Variants in SPTA1 observed in about 807,000 individuals in gnomAD.
SPTA1 encodes the protein spectrin alpha chain, erythrocytic 1.
SPTA1 carries 177 observed loss-of-function variants against 324.7 expected under a neutral mutation model. The observed-to-expected ratio is 0.55, with a 90% CI of 0.48 to 0.62. SPTA1 has a LOEUF of 0.62. Ranked by LOEUF, SPTA1 falls within the 20% of genes least tolerant of loss-of-function variation. The probability of loss-of-function intolerance (pLI) is 0.00; values close to 1 mark genes in which losing one functional copy is unlikely to be tolerated. For missense variants in SPTA1, 3,162 were observed against 2,883.6 expected (o/e 1.10, Z -2.21); for synonymous variants, 1,195 against 1,041.3 (o/e 1.15, Z -2.84).
intron 16 of SPTA1, 54 bp downstream of exon 16, chr1:158,666,262 G>T: frequency 1.9e-6 from 3 of 1,585,444 alleles, no homozygotes; most frequent in Non-Finnish European, 2.6e-6. Flanking sequence ...TAACGAGTGT[G>T]CTCAGAGCAT....
At position 158,680,432 on chromosome 1, in the gene SPTA1, G is replaced by A. The variant is rs982656492; in HGVS notation, c.678+151C>T. 4 of 1,079,276 alleles carry A rather than the reference G, an allele frequency of 3.7e-6. No homozygotes were observed. The African/African-American group carries it at 6.2e-5, about 17-fold the overall frequency. The allele number at this position is 1,079,276 out of a possible 1,614,324, so 66.9% of individuals were successfully genotyped here. A position where few individuals can be genotyped will look rare whatever the true frequency, so the allele number is the denominator to read the frequency against. ...TAAGGGGTGGGTCCAGAGGGGAGAG[G>A]AAACTGTTCAGAATATGTTACTCCA... On this transcript the variant is annotated intron_variant, in intron 5 of 51. Transcript: ENST00000643759.
Position 158,611,120 on chromosome 1 carries a change from C to A in SPTA1, c.*144G>T. 9.4e-7 allele frequency: 1 copy of A among 1,059,792 alleles called. No homozygotes were observed. Among genetic ancestry groups the A allele is most frequent in the Non-Finnish European group, 1.4e-6 (1 of 730,652 alleles). The allele number at this position is 1,059,792 out of a possible 1,614,324, so 65.6% of individuals were successfully genotyped here. A position where few individuals can be genotyped will look rare whatever the true frequency, so the allele number is the denominator to read the frequency against. ...GATCCTACAATAAATGTAATATGCA[C>A]ACAAACACAAGCACACACACACACA... On this transcript the variant is annotated 3_prime_UTR_variant, in exon 52 of 52. Transcript: ENST00000643759.
rs111674514 is a variant in SPTA1, at chr1:158,686,557, C to CAGAGAGAGAG, written c.-50_-41dup. 1.4e-4 allele frequency: 140 copies of CAGAGAGAGAG among 1,024,166 alleles called. No homozygotes were observed. The highest frequency in any genetic ancestry group is 1.7e-4 in the Non-Finnish European group (112 of 667,128). 63.4% of individuals were successfully genotyped at this position (1,024,166 alleles called of 1,614,324 possible). A position where few individuals can be genotyped will look rare whatever the true frequency, so the allele number is the denominator to read the frequency against. ...TAGAACCTGGCAAGATAAAATGTGT[C>CAGAGAGAGAG]AGAGAGAGAGAGAGAGAGAAATAAT... On this transcript the variant is annotated 5_prime_UTR_variant, in exon 1 of 52. The change creates a premature stop within an existing upstream ORF in the 5' untranslated region. Coordinates refer to ENST00000643759, the MANE Select transcript of SPTA1 (RefSeq NM_003126.4).
intron 18 of SPTA1, among the ~76,000 whole-genome samples, chr1:158,658,162 T>C (rs1029084): frequency 0.012 from 1,858 of 152,206 alleles, 34 homozygotes; most frequent in African/African-American, 0.042. Context: ...GGGAAATAAA[T>C]GAGATATATT....
intron 49 of SPTA1, among the ~76,000 whole-genome samples, 171 bp downstream of exon 49, chr1:158,614,081 AT>A (rs1001250517): frequency 3.9e-5 from 6 of 152,176 alleles, no homozygotes; most frequent in Non-Finnish European, 8.8e-5. Flanking sequence ...GAAGAAATGT[AT>A]TTTTTGAAGT....
chr1:158,682,073 T>C lies in SPTA1; in HGVS notation c.391-406A>G, dbSNP rs1654856224. Among the ~76,000 whole-genome samples, 7 of 152,286 alleles carry C rather than the reference T, an allele frequency of 4.6e-5. No individual in the cohort carries two copies. The South Asian group carries it at 1.5e-3, about 32-fold the overall frequency. Reference sequence around the variant, plus strand: ...GCAAAGGCATAGGAGAAACTTAGCATGAATTGTCTGCCAGAAAGTGTGAGA... The same window carrying C: ...GCAAAGGCATAGGAGAAACTTAGCACGAATTGTCTGCCAGAAAGTGTGAGA... On this transcript the variant is annotated intron_variant, in intron 3 of 51. Transcript: ENST00000643759.
chr1:158,686,341 G>T (rs1655172586), intron 1 of SPTA1, among the ~76,000 whole-genome samples, 153 bp downstream of exon 1: 1 of 145,278 alleles, frequency 6.9e-6, no homozygotes, highest in Admixed American at 7.1e-5. Context: ...CAAGGTTATT[G>T]TTCACAAAAA....
intron 44 of SPTA1, among the ~76,000 whole-genome samples, chr1:158,619,921 G>A (rs1036728563): frequency 6.6e-6 from 1 of 151,982 alleles, no homozygotes; most frequent in East Asian, 1.9e-4. Flanking sequence ...ACCATGTCTT[G>A]GGGCTTCTGT....
chr1:158,649,810 G>T, intron 25 of SPTA1, 46 bp downstream of exon 25: 2 of 1,449,526 alleles, frequency 1.4e-6, no homozygotes, highest in Non-Finnish European at 1.9e-6. Flanking sequence ...GAAGTTTAGT[G>T]AGTGGGTTTT....
At chr1:158,675,995 G>T in intron 8 of SPTA1, 146 bp downstream of exon 8, 1 of 1,040,854 alleles carries the variant, frequency 9.6e-7, no homozygotes, top group Non-Finnish European at 1.4e-6. Context: ...GACTTCCTTT[G>T]GCAACTTAAA....
At position 158,674,684 on chromosome 1, in the gene SPTA1, A is replaced by G. The variant is rs1654282486; in HGVS notation, c.1113-9T>C. 8.1e-6 allele frequency: 13 copies of G among 1,613,440 alleles called. No homozygotes were observed. Among genetic ancestry groups the G allele is most frequent in the Non-Finnish European group, 1.0e-5 (12 of 1,179,942 alleles). On this transcript the variant is annotated splice_polypyrimidine_tract_variant and intron_variant, in intron 8 of 51. Transcript: ENST00000643759. ...ATGAAAATCGATGGTACCTGTGGGA[A>G]AAGTGAGGTAAAAGACAGGAAGGAG...
In SPTA1 at chr1:158,686,218, A is replaced by C. The variant is rs368029; in HGVS notation, c.24+276T>G. On this transcript the variant is annotated intron_variant, in intron 1 of 51. Coordinates refer to ENST00000643759, the MANE Select transcript of SPTA1 (RefSeq NM_003126.4). ...GGCATGGCTATAGAATTAGATCATT[A>C]CATGGAGACTCACGTTGTTACTAGG... Among the ~76,000 whole-genome samples the C allele has an allele frequency of 0.97, 148,331 of 152,316 alleles. 72,332 individuals carry two copies. Among genetic ancestry groups the C allele is most frequent in the East Asian group, 1 (5,190 of 5,190 alleles).
At chr1:158,686,166 A>G (rs142022878) in intron 1 of SPTA1, among the ~76,000 whole-genome samples, 2 of 152,178 alleles carry the variant, frequency 1.3e-5, no homozygotes, top group Non-Finnish European at 2.9e-5. Context: ...CCTAAGTATA[A>G]TTGCTACTCT....
Position 158,642,443 on chromosome 1 carries a change from T to C in SPTA1, c.4705A>G (p.Ser1569Gly), listed in dbSNP as rs1651672028. Residue 1569 changes from serine to glycine, a missense_variant, in exon 33 of 52, where the codon AGC becomes GGC. Transcript: ENST00000643759. Reference sequence around the variant, plus strand: ...GCCTCTTCATTGCCATCACAAGCGCTACACTCAATCAGGGAGTTCCCCAGG... The same window carrying C: ...GCCTCTTCATTGCCATCACAAGCGCCACACTCAATCAGGGAGTTCCCCAGG... ...INLGNSLIEC[S>G]ACDGNEEAMK... is the part of the protein sequence containing the mutation. 3.1e-6 allele frequency: 5 copies of C among 1,613,640 alleles called. No homozygotes were observed. Among genetic ancestry groups the C allele is most frequent in the Non-Finnish European group, 4.2e-6 (5 of 1,179,686 alleles).
intron 26 of SPTA1, 26 bp from the exon 27 acceptor site, chr1:158,647,746 A>G (rs1363424785): frequency 1.9e-6 from 3 of 1,613,392 alleles, no homozygotes; most frequent in East Asian, 4.5e-5. Context: ...AGCTCTGATA[A>G]TCAGCCTAGA....
intron 6 of SPTA1, 52 bp downstream of exon 6, chr1:158,678,349 G>T: frequency 6.2e-7 from 1 of 1,610,960 alleles, no homozygotes; most frequent in Non-Finnish European, 8.5e-7. Context: ...CAAAGACACG[G>T]TTTTTATAAA....
chr1:158,644,542 C>T (rs1651852473), intron 29 of SPTA1, 146 bp from the exon 30 acceptor site: 1 of 937,436 alleles, frequency 1.1e-6, no homozygotes, highest in African/African-American at 1.6e-5. Context: ...CAAATCTTAG[C>T]TGTACTGGAA....
intron 51 of SPTA1, 66 bp downstream of exon 51, chr1:158,612,751 G>A (rs970581472): frequency 1.3e-5 from 20 of 1,586,914 alleles, no homozygotes; most frequent in South Asian, 8.9e-5. Context: ...GTAGGCCACC[G>A]GGCCTGAGAT....
chr1:158,680,972 C>T lies in SPTA1; in HGVS notation c.532-243G>A, dbSNP rs1013804414. ...AGTTTGTGGCATTACTGGCAAGAGACCCTGAAAGTACCCTTTTGTGTTTTG... is the reference window on the plus strand; with the variant it reads ...AGTTTGTGGCATTACTGGCAAGAGATCCTGAAAGTACCCTTTTGTGTTTTG... On this transcript the variant is annotated intron_variant, in intron 4 of 51. Coordinates refer to ENST00000643759, the MANE Select transcript of SPTA1 (RefSeq NM_003126.4). Among the ~76,000 whole-genome samples the T allele has an allele frequency of 2.9e-4, 44 of 152,228 alleles. 1 individual carries two copies. Among genetic ancestry groups the T allele is most frequent in the African/African-American group, 5.5e-4 (23 of 41,544 alleles).
Sources: allele counts gnomAD v4.1 joint callset (sites outside exome capture counted in the v4.1 genomes callset), GRCh38; gene constraint gnomAD v4.1.1; transcripts MANE v1.5; gene names NCBI Gene and HGNC (gene_info 2026-07-23, HGNC 2026-07-21).